The following NR5A2 variants were observed in gnomAD, a reference collection of about 807,000 sequenced individuals.
The protein encoded by NR5A2 is CYP7A promoter-binding factor.
A neutral mutation model predicts 62.7 loss-of-function variants in NR5A2; 26 were observed. The observed-to-expected ratio is 0.41, with a 90% confidence interval of 0.30 to 0.58. The LOEUF (loss-of-function observed/expected upper bound fraction) is 0.58. NR5A2 is among the 20% of genes least tolerant of loss of function. NR5A2 has a pLI of 0.22. For missense variants in NR5A2, 541 were observed against 669.1 expected (o/e 0.81, Z 2.11); for synonymous variants, 246 against 241.7 (o/e 1.02, Z -0.16).
Position 200,169,841 on chromosome 1 carries a change from G to T in NR5A2, c.1379-4122G>T, listed in dbSNP as rs546471042. Among the ~76,000 whole-genome samples the T allele has an allele frequency of 1.1e-4, 16 of 152,300 alleles. 1 individual carries two copies. The East Asian group carries it at 3.1e-3, about 29-fold the overall frequency. On this transcript the variant is annotated intron_variant, in intron 7 of 7. Transcript: ENST00000367362. ...GTTTATTAACTGGTGTTTTTAAATTGTATGAAAATGAAGCTTATATAAATT... is the reference window on the plus strand; with the variant it reads ...GTTTATTAACTGGTGTTTTTAAATTTTATGAAAATGAAGCTTATATAAATT...
chr1:200,157,895 T>G (rs994386138), intron 7 of NR5A2, among the ~76,000 whole-genome samples: 4 of 152,218 alleles, frequency 2.6e-5, no homozygotes, highest in Non-Finnish European at 5.9e-5. Context: ...AGGGAAATGA[T>G]GTAATAATAA....
chr1:200,136,472 T>C (rs1667230245), intron 7 of NR5A2, among the ~76,000 whole-genome samples: 1 of 152,238 alleles, frequency 6.6e-6, no homozygotes, highest in Admixed American at 6.5e-5. Flanking sequence ...TTATACCTGT[T>C]GTTTCTAATC....
At chr1:200,116,059 T>A (rs1395684946) in intron 6 of NR5A2, among the ~76,000 whole-genome samples, 1 of 152,122 alleles carries the variant, frequency 6.6e-6, no homozygotes, top group East Asian at 1.9e-4. Context: ...TGATTACTTC[T>A]GAAACAAATG....
At chr1:200,173,819 TG>T in intron 7 of NR5A2, 143 bp from the exon 8 acceptor site, 1 of 801,706 alleles carries the variant, frequency 1.2e-6, no homozygotes. Flanking sequence ...GTTTGGTGAG[TG>T]GGGTTTACTG....
intron 5 of NR5A2, among the ~76,000 whole-genome samples, chr1:200,056,514 C>G (rs1415143211): frequency 6.6e-6 from 1 of 152,216 alleles, no homozygotes; most frequent in Non-Finnish European, 1.5e-5. Context: ...CAGTCCCTGC[C>G]AATCCTGATC....
chr1:200,110,566 T>C (rs1665894390), intron 5 of NR5A2, among the ~76,000 whole-genome samples: 1 of 152,146 alleles, frequency 6.6e-6, no homozygotes, highest in Non-Finnish European at 1.5e-5. Context: ...TTAGAGAGTT[T>C]GTGGCAAAAT....
At chr1:200,064,570 A>G (rs1663383764) in intron 5 of NR5A2, among the ~76,000 whole-genome samples, 1 of 152,186 alleles carries the variant, frequency 6.6e-6, no homozygotes, top group South Asian at 2.1e-4. Flanking sequence ...TCATTTATAC[A>G]TACGGTTCTA....
chr1:200,040,263 G>C (rs1366642909), intron 2 of NR5A2, among the ~76,000 whole-genome samples: 1 of 152,136 alleles, frequency 6.6e-6, no homozygotes, highest in Non-Finnish European at 1.5e-5. Context: ...TTGTCTTAGC[G>C]CTATTAGAAT....
intron 5 of NR5A2, among the ~76,000 whole-genome samples, chr1:200,064,032 C>T (rs1008214824): frequency 2.6e-5 from 4 of 152,048 alleles, no homozygotes; most frequent in Non-Finnish European, 5.9e-5. Flanking sequence ...GCCTGTAATC[C>T]CAGCAACTCA....
intron 5 of NR5A2, among the ~76,000 whole-genome samples, chr1:200,096,056 G>T (rs1270076592): frequency 6.6e-6 from 1 of 151,146 alleles, no homozygotes; most frequent in African/African-American, 2.4e-5. Context: ...TGTTATTCTA[G>T]TTATCAATCT....
At chr1:200,154,224 T>G (rs1272514370) in intron 7 of NR5A2, among the ~76,000 whole-genome samples, 1 of 152,190 alleles carries the variant, frequency 6.6e-6, no homozygotes. Flanking sequence ...TGAAGTTGTG[T>G]GTGTGTGTAA....
intron 5 of NR5A2, among the ~76,000 whole-genome samples, chr1:200,070,726 T>A (rs771312292): frequency 2.0e-5 from 3 of 150,392 alleles, no homozygotes; most frequent in Non-Finnish European, 4.4e-5. Flanking sequence ...TAACTTTTAA[T>A]CAAAAATCTG....
intron 7 of NR5A2, among the ~76,000 whole-genome samples, chr1:200,170,983 T>C (rs557619969): frequency 1.3e-5 from 2 of 152,166 alleles, no homozygotes; most frequent in Admixed American, 1.3e-4. Context: ...AAGCAAGGAG[T>C]TACCGGTGTA....
At chr1:200,124,472 G>C (rs1487810699) in intron 7 of NR5A2, among the ~76,000 whole-genome samples, 1 of 152,194 alleles carries the variant, frequency 6.6e-6, no homozygotes, top group Non-Finnish European at 1.5e-5. Context: ...AGTTGGGTAA[G>C]CTGGTCAAGA....
At chr1:200,029,144 CA>C in intron 1 of NR5A2, 1 of 419,452 alleles carries the variant, frequency 2.4e-6, no homozygotes, top group Non-Finnish European at 4.8e-6. Flanking sequence ...TCCTTCCCGG[CA>C]GCTCCGCGCA....
chr1:200,045,001 G>C (rs1662292740), intron 3 of NR5A2, among the ~76,000 whole-genome samples: 1 of 151,590 alleles, frequency 6.6e-6, no homozygotes, highest in Admixed American at 6.6e-5. Flanking sequence ...AAAAATCTGA[G>C]GTGTTTTGCT....
intron 7 of NR5A2, among the ~76,000 whole-genome samples, chr1:200,155,231 AT>A (rs142633177): frequency 0.18 from 26,732 of 152,236 alleles, 2,587 homozygotes; most frequent in African/African-American, 0.26. Context: ...TAATAATCAC[AT>A]CAGATAAACA....
chr1:200,048,776 T>C lies in NR5A2; in HGVS notation c.1068T>C (p.Ile356=), dbSNP rs904337593. ...CKMADQTLFS[I]VEWARSSIFF... ...TGGCAGATCAAACTCTCTTCTCCAT[T>C]GTCGAGTGGGCCAGGAGTAGTATCT... Residue 356 remains isoleucine, a synonymous_variant, in exon 5 of 8, where the codon ATT becomes ATC. Transcript: ENST00000367362. This position sits in a 1 kb window ranked among gnomAD's most constrained non-coding sequence, Gnocchi z 4.8. The C allele has an allele frequency of 6.2e-7, 1 of 1,614,064 alleles. No individual in the cohort carries two copies. The highest frequency in any genetic ancestry group is 1.3e-5 in the African/African-American group (1 of 74,922).
chr1:200,063,348 C>CG (rs1309668409), intron 5 of NR5A2, among the ~76,000 whole-genome samples: 1 of 151,800 alleles, frequency 6.6e-6, no homozygotes, highest in African/African-American at 2.4e-5. Flanking sequence ...TTAGTAGAGA[C>CG]GGGGTTTCAC....
Sources: gnomAD v4.1 joint callset for allele counts (sites outside exome capture counted in the v4.1 genomes callset) on GRCh38, gnomAD v4.1.1 for gene constraint, Gnocchi (gnomAD v3.1) non-coding constraint, MANE v1.5 for transcripts, NCBI Gene and HGNC (gene_info 2026-07-23, HGNC 2026-07-21) for gene names.